The following SHISA9 variants were observed in gnomAD, a reference collection of about 807,000 sequenced individuals.
SHISA9 encodes the protein shisa family member 9, also known as protein shisa-9.
In SHISA9, 13 loss-of-function variants were observed where a neutral mutation model predicts 38.0. That is an observed-to-expected ratio of 0.34 (90% CI 0.22 to 0.54). The LOEUF (loss-of-function observed/expected upper bound fraction) is 0.54, where lower values mean the gene tolerates loss of function less well. SHISA9 is among the 20% of genes least tolerant of loss of function. SHISA9 has a pLI of 0.91. For synonymous variants in SHISA9, 275 were observed against 242.0 expected, an observed-to-expected ratio of 1.14 and a Z score of -1.27; for missense variants, 538 against 575.8, an observed-to-expected ratio of 0.93 and a Z score of 0.67.
rs1274219090 is a variant in SHISA9, at chr16:12,985,193, A to G, written c.691+68378A>G. 3.7e-5 allele frequency among the ~76,000 whole-genome samples: 5 copies of G among 133,758 alleles called. 1 individual carries two copies. Among genetic ancestry groups the G allele is most frequent in the African/African-American group, 1.2e-4 (4 of 34,714 alleles). The allele number at this position is 133,758 out of a possible 152,430, so 87.8% of individuals were successfully genotyped here. Reference sequence around the variant, plus strand: ...CTATCAAAGCATTATGTTGTACACCACAAATATCTACACTATATCTGTCAA... The same window carrying G: ...CTATCAAAGCATTATGTTGTACACCGCAAATATCTACACTATATCTGTCAA... On this transcript the variant is annotated intron_variant, in intron 2 of 4. Coordinates refer to ENST00000558583, the MANE Select transcript of SHISA9 (RefSeq NM_001145204.3).
chr16:13,310,873 G>A, the SHISA9 span, among the ~76,000 whole-genome samples: 2 of 151,760 alleles, frequency 1.3e-5, no homozygotes, highest in South Asian at 2.1e-4. Context: ...TAGTAGAGAC[G>A]GGGTTTCATC....
the SHISA9 span, among the ~76,000 whole-genome samples, chr16:13,310,318 A>G: frequency 1.3e-5 from 2 of 152,020 alleles, no homozygotes; most frequent in Non-Finnish European, 2.9e-5. Context: ...TTTTTCTACT[A>G]TGAAACATTT....
At chr16:13,022,928 T>G (rs2072875278) in intron 2 of SHISA9, among the ~76,000 whole-genome samples, 1 of 152,216 alleles carries the variant, frequency 6.6e-6, no homozygotes, top group African/African-American at 2.4e-5. Context: ...TCACTGGATT[T>G]AGGGGCCACC....
chr16:12,978,799 T>C (rs2141820754), intron 2 of SHISA9, among the ~76,000 whole-genome samples: 1 of 152,280 alleles, frequency 6.6e-6, no homozygotes, highest in East Asian at 1.9e-4. Context: ...ATATATGGAT[T>C]GATGAGTGGC....
At chr16:13,022,147 C>A (rs774738047) in intron 2 of SHISA9, among the ~76,000 whole-genome samples, 5 of 152,012 alleles carry the variant, frequency 3.3e-5, no homozygotes, top group Non-Finnish European at 7.4e-5. Flanking sequence ...CAAATCTCCC[C>A]CTGCCTTACT....
At chr16:13,025,154 T>A (rs1259392920) in intron 2 of SHISA9, among the ~76,000 whole-genome samples, 1 of 152,240 alleles carries the variant, frequency 6.6e-6, no homozygotes, top group Non-Finnish European at 1.5e-5. Flanking sequence ...ATAACACTTA[T>A]GACATTATTA....
intron 2 of SHISA9, among the ~76,000 whole-genome samples, chr16:13,062,321 G>A (rs2073385931): frequency 1.3e-5 from 2 of 152,172 alleles, no homozygotes; most frequent in East Asian, 3.8e-4. Flanking sequence ...CAGCAGAGGT[G>A]TTCAGATAAA....
chr16:13,098,452 C>G (rs1020962941), intron 2 of SHISA9, among the ~76,000 whole-genome samples: 1 of 152,166 alleles, frequency 6.6e-6, no homozygotes, highest in Non-Finnish European at 1.5e-5. Flanking sequence ...AGGGAGTCAC[C>G]ACTTTTCTCA....
chr16:13,234,168 A>C (rs990223541), intron 4 of SHISA9, among the ~76,000 whole-genome samples: 13 of 152,222 alleles, frequency 8.5e-5, no homozygotes, highest in African/African-American at 3.1e-4. Context: ...TAGGGGAATT[A>C]ATTAATTTTG....
intron 2 of SHISA9, among the ~76,000 whole-genome samples, chr16:13,199,569 T>A (rs1482112256): frequency 6.6e-6 from 1 of 152,234 alleles, no homozygotes; most frequent in Non-Finnish European, 1.5e-5. Context: ...CTCTCTCTCC[T>A]CAGCTGCTTT....
rs182594992 is a variant in SHISA9, at chr16:13,201,595, T to C, written c.692-1799T>C. 2.3e-3 allele frequency among the ~76,000 whole-genome samples: 306 copies of C among 133,574 alleles called. 74 individuals carry two copies. The highest frequency in any genetic ancestry group is 8.6e-3 in the African/African-American group (290 of 33,752). 87.6% of individuals were successfully genotyped at this position (133,574 alleles called of 152,430 possible). ...AGTCAAAGCAGAGACTGATGGCCTA[T>C]GTAGTCTAAAATGCTTACTACCTGG... On this transcript the variant is annotated intron_variant, in intron 2 of 4. Transcript: ENST00000558583.
intron 2 of SHISA9, among the ~76,000 whole-genome samples, chr16:12,925,296 T>A (rs2071379263): frequency 6.6e-6 from 1 of 152,112 alleles, no homozygotes. Flanking sequence ...TGTCTTACGG[T>A]TTTCTTCTCT....
chr16:13,327,571 G>A, the SHISA9 span, among the ~76,000 whole-genome samples: 3 of 151,970 alleles, frequency 2.0e-5, no homozygotes, highest in African/African-American at 7.2e-5. Flanking sequence ...AGCTGAGATC[G>A]AGCTGCTGCA....
chr16:12,921,630 G>T (rs189092379), intron 2 of SHISA9, among the ~76,000 whole-genome samples: 1 of 152,230 alleles, frequency 6.6e-6, no homozygotes, highest in East Asian at 1.9e-4. Context: ...AAGTAATTGG[G>T]CATGGTAGTT....
the SHISA9 span, among the ~76,000 whole-genome samples, chr16:13,367,748 A>C: frequency 5.1e-3 from 739 of 143,672 alleles, 33 homozygotes; most frequent in East Asian, 0.11. Flanking sequence ...ACACACACAC[A>C]CCCCTGAATT....
intron 2 of SHISA9, among the ~76,000 whole-genome samples, chr16:12,931,436 C>T (rs2071460512): frequency 6.6e-6 from 1 of 152,184 alleles, no homozygotes; most frequent in African/African-American, 2.4e-5. Context: ...TATCCCATCT[C>T]TCCCTTTCTC....
intron 2 of SHISA9, among the ~76,000 whole-genome samples, chr16:13,040,862 G>T (rs1263067049): frequency 6.6e-6 from 1 of 152,204 alleles, no homozygotes; most frequent in Non-Finnish European, 1.5e-5. Context: ...AAGTTGCCCT[G>T]TTGAGCTTTG....
chr16:13,147,587 C>T (rs904916721), intron 2 of SHISA9, among the ~76,000 whole-genome samples: 14 of 151,646 alleles, frequency 9.2e-5, no homozygotes, highest in Middle Eastern at 3.4e-3. Flanking sequence ...CTCAGCCTCC[C>T]GAGTAGCTGG....
At chr16:13,026,622 T>C (rs1290978193) in intron 2 of SHISA9, among the ~76,000 whole-genome samples, 2 of 152,214 alleles carry the variant, frequency 1.3e-5, no homozygotes, top group Non-Finnish European at 2.9e-5. Flanking sequence ...GGTAGTTCTA[T>C]GTTTAATCTT....
Sources: gnomAD v4.1 joint callset for allele counts (sites outside exome capture counted in the v4.1 genomes callset) on GRCh38, gnomAD v4.1.1 for gene constraint, MANE v1.5 for transcripts, NCBI Gene and HGNC (gene_info 2026-07-23, HGNC 2026-07-21) for gene names.